DNAH10: variants seen among roughly 807,000 people sequenced by gnomAD.
DNAH10 encodes the protein dynein axonemal heavy chain 10.
DNAH10 carries 348 observed loss-of-function variants against 506.6 expected under a neutral mutation model. That is an observed-to-expected ratio of 0.69 (90% CI 0.63 to 0.75). DNAH10 has a LOEUF of 0.75. Among genes scored for constraint, DNAH10 ranks in the 30% least tolerant of loss-of-function variants. The pLI is 0.00. For missense variants in DNAH10, 5,179 were observed against 5,787.1 expected (o/e 0.89, Z 3.41); for synonymous variants, 2,059 against 2,198.6 (o/e 0.94, Z 1.78).
rs1206060945 is a variant in DNAH10, at chr12:123,914,945, C to T, written c.10668C>T (p.Pro3556=). The part of the protein sequence containing the change: ...RASRFPLCID[P]QQQALNWIKR... ...GCCGCTTCCCTCTGTGTATCGACCC[C>T]CAGCAGCAGGCCCTCAACTGGATCA... The change falls in exon 62 of 79, where the codon CCC becomes CCT. Residue 3556 remains proline, a synonymous_variant. Coordinates refer to ENST00000673944, the MANE Select transcript of DNAH10 (RefSeq NM_001372106.1). 6.2e-7 allele frequency: 1 copy of T among 1,612,180 alleles called. No individual in the cohort carries two copies. The highest frequency in any genetic ancestry group is 2.2e-5 in the East Asian group (1 of 44,828).
At chr12:123,893,520 C>T (rs981876738) in intron 53 of DNAH10, 84 bp downstream of exon 53, 7 of 1,513,132 alleles carry the variant, frequency 4.6e-6, no homozygotes, top group Admixed American at 1.7e-5. Flanking sequence ...TCTCCAGGTT[C>T]CCCCAGCAAA....
chr12:123,814,834 G>A (rs1471395982), intron 21 of DNAH10, among the ~76,000 whole-genome samples: 6 of 151,960 alleles, frequency 3.9e-5, no homozygotes, highest in Non-Finnish European at 8.8e-5. Context: ...AGCCAGGATG[G>A]TCTCGATCTC....
Position 123,903,150 on chromosome 12 carries a change from C to T in DNAH10, c.9815+37C>T. On this transcript the variant is annotated intron_variant, in intron 57 of 78. Coordinates refer to ENST00000673944, the MANE Select transcript of DNAH10 (RefSeq NM_001372106.1). This position sits in a 1 kb window ranked among gnomAD's most constrained non-coding sequence, Gnocchi z 4.6. ...GAGCCACCATTCTGGGCTTCCATTC[C>T]ACCTCTGCAAGCCAGTAGTCTCCAT... 1 of 1,570,378 alleles carries T rather than the reference C, an allele frequency of 6.4e-7. No homozygotes were observed. The highest frequency in any genetic ancestry group is 1.7e-4 in the Middle Eastern group (1 of 5,958).
At chr12:123,805,141 C>G (rs1336430364) in intron 18 of DNAH10, 101 bp downstream of exon 18, 11 of 1,262,418 alleles carry the variant, frequency 8.7e-6, no homozygotes, top group African/African-American at 1.5e-5. Flanking sequence ...GAATGAAAAT[C>G]AGTTGGATGG....
rs371000569 is a variant in DNAH10 at position 123,913,679 on chromosome 12, G to A, written c.10352+364G>A. On this transcript the variant is annotated intron_variant, in intron 60 of 78. Transcript: ENST00000673944. The surrounding 1 kb of genome is among the most constrained non-coding windows in gnomAD (Gnocchi z 5.1). ...GTGGGAGAAGCCCATCTCTGTCACC[G>A]CACAGATGCCTTCTAAGGGTCCCAG... Among the ~76,000 whole-genome samples, 5 of 152,176 alleles carry A rather than the reference G, an allele frequency of 3.3e-5. No homozygotes were observed. Among genetic ancestry groups the A allele is most frequent in the Non-Finnish European group, 4.4e-5 (3 of 68,036 alleles).
At position 123,881,616 on chromosome 12, in the gene DNAH10, T is replaced by TC; in HGVS notation, c.8635-9_8635-8insC. 6.7e-7 allele frequency: 1 copy of TC among 1,489,136 alleles called. No homozygotes were observed. Among genetic ancestry groups the TC allele is most frequent in the Non-Finnish European group, 8.9e-7 (1 of 1,120,172 alleles). The allele number at this position is 1,489,136 out of a possible 1,614,324, so 92.2% of individuals were successfully genotyped here. A position where few individuals can be genotyped will look rare whatever the true frequency, so the allele number is the denominator to read the frequency against. On this transcript the variant is annotated splice_polypyrimidine_tract_variant and intron_variant, in intron 50 of 78. Coordinates refer to ENST00000673944, the MANE Select transcript of DNAH10 (RefSeq NM_001372106.1). ...GGGTTTTGAATTCTTTTTTTTTTTT[T>TC]AAATGCAGGAAATTCTTGAAGAGTA...
At chr12:123,897,689 C>T (rs1953316800) in intron 54 of DNAH10, 81 bp from the exon 55 acceptor site, 2 of 1,473,292 alleles carry the variant, frequency 1.4e-6, no homozygotes, top group Non-Finnish European at 9.2e-7. Context: ...CACGCCACTG[C>T]ACTCCAGCCT....
At chr12:123,865,588 A>T (rs182704801) in intron 40 of DNAH10, among the ~76,000 whole-genome samples, 2 of 152,334 alleles carry the variant, frequency 1.3e-5, no homozygotes, top group Admixed American at 1.3e-4. Flanking sequence ...CTATGTTAAA[A>T]AAATAATAAA....
intron 47 of DNAH10, among the ~76,000 whole-genome samples, 162 bp from the exon 48 acceptor site, chr12:123,877,574 C>T (rs986505635): frequency 3.3e-5 from 5 of 152,086 alleles, no homozygotes; most frequent in Non-Finnish European, 5.9e-5. Context: ...CCTTGGCCTC[C>T]CAAAGTGCTG....
chr12:123,819,159 C>T lies in DNAH10; in HGVS notation c.3909C>T (p.Gly1303=), dbSNP rs758638573. ...CTCGTTTTTCTCAGCTTACTCGAGGCGAAATAATGAACTACAGAGTTCAGA... is the reference window on the plus strand; with the variant it reads ...CTCGTTTTTCTCAGCTTACTCGAGGTGAAATAATGAACTACAGAGTTCAGA... The part of the protein sequence containing the change: ...IKRTFTELTR[G]EIMNYRVQIE... Residue 1303 remains glycine (G), a synonymous_variant, in exon 23 of 79, where the codon GGC becomes GGT. Transcript: ENST00000673944. 7 of 1,613,182 alleles carry T rather than the reference C, an allele frequency of 4.3e-6. No individual in the cohort carries two copies. The highest frequency in any genetic ancestry group is 2.2e-5 in the East Asian group (1 of 44,870).
chr12:123,880,728 G>A, intron 50 of DNAH10, among the ~76,000 whole-genome samples: 1 of 151,236 alleles, frequency 6.6e-6, no homozygotes, highest in African/African-American at 2.4e-5. Flanking sequence ...GTATACATGT[G>A]CCATGTTGGT....
At position 123,865,973 on chromosome 12, in the gene DNAH10, C is replaced by T; in HGVS notation, c.7067C>T (p.Ser2356Phe). 1 of 1,607,330 alleles carries T rather than the reference C, an allele frequency of 6.2e-7. No homozygotes were observed. Among genetic ancestry groups the T allele is most frequent in the South Asian group, 1.1e-5 (1 of 89,816 alleles). Residue 2356 changes from serine to phenylalanine, a missense_variant, in exon 41 of 79, where the codon TCC becomes TTC. Ser to Phe is a radical substitution (Grantham distance 155). This residue lies in a region of DNAH10 where 4,844 missense variants were observed against 5,430.5 expected (regional missense o/e 0.89). Coordinates refer to ENST00000673944, the MANE Select transcript of DNAH10 (RefSeq NM_001372106.1). ...CAGGTTGGAGATTTACAGTATGCCTCCCCTGCAACTGTCTCTCGATGTGGA... is the reference window on the plus strand; with the variant it reads ...CAGGTTGGAGATTTACAGTATGCCTTCCCTGCAACTGTCTCTCGATGTGGA... ...LFEVGDLQYA[S>F]PATVSRCGMV...
At chr12:123,858,568 C>G (rs1421790271) in intron 37 of DNAH10, among the ~76,000 whole-genome samples, 1 of 152,182 alleles carries the variant, frequency 6.6e-6, no homozygotes, top group Non-Finnish European at 1.5e-5. Flanking sequence ...TAAGACCCAG[C>G]AATTTCACTG....
Position 123,907,032 on chromosome 12 carries a change from C to T in DNAH10, c.9816-2229C>T, listed in dbSNP as rs1264491839. 6.6e-6 allele frequency among the ~76,000 whole-genome samples: 1 copy of T among 152,228 alleles called. No homozygotes were observed. The highest frequency in any genetic ancestry group is 1.9e-4 in the East Asian group (1 of 5,198). ...AGTGGGTGTCTGTCCCCCACCCCAC[C>T]CCTGCCCTGAGCAGGCACTGGGGCC... On this transcript the variant is annotated intron_variant, in intron 57 of 78. Coordinates refer to ENST00000673944, the MANE Select transcript of DNAH10 (RefSeq NM_001372106.1). The surrounding 1 kb of genome is among the most constrained non-coding windows in gnomAD (Gnocchi z 4.4).
At chr12:123,763,905 G>C (rs1285883402) in intron 1 of DNAH10, among the ~76,000 whole-genome samples, 1 of 131,134 alleles carries the variant, frequency 7.6e-6, no homozygotes, top group Non-Finnish European at 1.6e-5. Context: ...TAGCTCTGTC[G>C]CCAAGGCTGG....
chr12:123,934,632 T>G lies in DNAH10; in HGVS notation c.13489T>G (p.Ser4497Ala). The G allele has an allele frequency of 6.2e-7, 1 of 1,613,618 alleles. No homozygotes were observed. ...NERAGQGCFV[S>A]GLYLEGADWD... ...CCTTGTGTCCCTAGGATGCTTTGTC[T>G]CAGGACTGTACCTGGAAGGTGCTGA... Residue 4497 changes from serine to alanine, a missense_variant, in exon 78 of 79, where the codon TCA becomes GCA. Transcript: ENST00000673944.
intron 57 of DNAH10, among the ~76,000 whole-genome samples, chr12:123,904,666 G>A (rs1953693764): frequency 6.6e-6 from 1 of 152,182 alleles, no homozygotes; most frequent in African/African-American, 2.4e-5. Flanking sequence ...ACATGGCTCT[G>A]CCTCTTTGCT....
At chr12:123,817,996 C>T (rs1204214910) in intron 21 of DNAH10, among the ~76,000 whole-genome samples, 1 of 145,184 alleles carries the variant, frequency 6.9e-6, no homozygotes, top group African/African-American at 2.6e-5. Flanking sequence ...GTTGCCTAGG[C>T]TGAGTGCAAT....
intron 56 of DNAH10, among the ~76,000 whole-genome samples, chr12:123,900,517 A>G (rs1469213247): frequency 6.6e-6 from 1 of 152,200 alleles, no homozygotes; most frequent in Non-Finnish European, 1.5e-5. Flanking sequence ...ACCTGTGTTT[A>G]GTGCCTCTCC....
Sources: gnomAD v4.1 joint callset for allele counts (sites outside exome capture counted in the v4.1 genomes callset) on GRCh38, gnomAD v4.1.1 for gene constraint, gnomAD v4.1.1 regional missense constraint, Gnocchi (gnomAD v3.1) non-coding constraint, MANE v1.5 for transcripts, NCBI Gene and HGNC (gene_info 2026-07-23, HGNC 2026-07-21) for gene names.